Variants in QSOX2 observed in about 807,000 individuals in gnomAD.
The protein encoded by QSOX2 is quiescin sulfhydryl oxidase 2, also known as sulfhydryl oxidase 2.
A neutral mutation model predicts 61.7 loss-of-function variants in QSOX2; 46 were observed. The observed-to-expected ratio is 0.75, with a 90% CI of 0.59 to 0.95. The LOEUF is 0.95. Ranked by LOEUF, QSOX2 falls within the 40% of genes least tolerant of loss-of-function variation. QSOX2 has a pLI of 0.00. For missense variants in QSOX2, 879 were observed against 918.9 expected (o/e 0.96, Z 0.56); for synonymous variants, 383 against 388.4 (o/e 0.99, Z 0.16).
At position 136,223,872 on chromosome 9, in the gene QSOX2, G is replaced by C. The variant is rs374463532; in HGVS notation, c.585-19C>G. ...ACTGGGCCTTTCAAGAGGAAAAAAA[G>C]AGGCTTTTAGTGCCGTCAACAGCAG... On this transcript the variant is annotated intron_variant, in intron 4 of 11. Coordinates refer to ENST00000358701, the MANE Select transcript of QSOX2 (RefSeq NM_181701.4). This position sits in a 1 kb window ranked among gnomAD's most constrained non-coding sequence, Gnocchi z 4.4. 9 of 1,612,496 alleles carry C rather than the reference G, an allele frequency of 5.6e-6. No individual in the cohort carries two copies. The highest frequency in any genetic ancestry group is 7.6e-6 in the Non-Finnish European group (9 of 1,178,742).
intron 1 of QSOX2, among the ~76,000 whole-genome samples, chr9:136,234,732 G>A (rs563945107): frequency 3.6e-5 from 5 of 140,642 alleles, no homozygotes; most frequent in African/African-American, 1.5e-4. Context: ...CGGCTTGGGA[G>A]CAAGGCTGGT....
rs1224408812 is a variant in QSOX2 at position 136,234,043 on chromosome 9, G to GCC, written c.329-7170_329-7169insGG. Among the ~76,000 whole-genome samples the GCC allele has an allele frequency of 3.9e-4, 57 of 147,896 alleles. 4 individuals are homozygous for GCC. Among genetic ancestry groups the GCC allele is most frequent in the African/African-American group, 1.4e-3 (52 of 37,574 alleles). ...CGCTGCAACCTGGGGCAGGACAAAGGTCTTCACGAGGCTCCACCTGGGGCA... is the reference window on the plus strand; with the variant it reads ...CGCTGCAACCTGGGGCAGGACAAAGGCCTCTTCACGAGGCTCCACCTGGGGCA... On this transcript the variant is annotated intron_variant, in intron 1 of 11. Transcript: ENST00000358701.
At position 136,215,312 on chromosome 9, in the gene QSOX2, A is replaced by G; in HGVS notation, c.1210-8T>C. 6.2e-7 allele frequency: 1 copy of G among 1,604,924 alleles called. No homozygotes were observed. Among genetic ancestry groups the G allele is most frequent in the Non-Finnish European group, 8.5e-7 (1 of 1,176,652 alleles). ...AAGGAATATTCCAGAAATCTGAAAAACAAACAAACAAAAAAACCCCAAAGA... is the reference window on the plus strand; with the variant it reads ...AAGGAATATTCCAGAAATCTGAAAAGCAAACAAACAAAAAAACCCCAAAGA... On this transcript the variant is annotated splice_region_variant and splice_polypyrimidine_tract_variant and intron_variant, in intron 9 of 11. Transcript: ENST00000358701.
chr9:136,240,519 G>A (rs907404399), intron 1 of QSOX2, among the ~76,000 whole-genome samples: 3 of 152,154 alleles, frequency 2.0e-5, no homozygotes, highest in Non-Finnish European at 2.9e-5. Flanking sequence ...CTGGGGTCTC[G>A]AACTCCGCAT....
intron 1 of QSOX2, among the ~76,000 whole-genome samples, chr9:136,227,903 C>T (rs556842065): frequency 1.3e-5 from 2 of 152,142 alleles, no homozygotes; most frequent in East Asian, 3.9e-4. Context: ...CGCTTGAGCC[C>T]GGAAGGCACA....
chr9:136,234,186 T>C (rs1335696922), intron 1 of QSOX2, among the ~76,000 whole-genome samples: 1 of 152,236 alleles, frequency 6.6e-6, no homozygotes, highest in Non-Finnish European at 1.5e-5. Flanking sequence ...TTCTCTTTTG[T>C]GCGACGATCT....
At chr9:136,232,471 C>A (rs1026804169) in intron 1 of QSOX2, among the ~76,000 whole-genome samples, 1 of 152,174 alleles carries the variant, frequency 6.6e-6, no homozygotes, top group African/African-American at 2.4e-5. Context: ...TAAGAAAAGG[C>A]ATGTCATGAA....
chr9:136,244,327 A>G (rs1047160055), intron 1 of QSOX2, among the ~76,000 whole-genome samples: 1 of 152,240 alleles, frequency 6.6e-6, no homozygotes, highest in Non-Finnish European at 1.5e-5. Flanking sequence ...AAAGAGGAGG[A>G]ATCCATTAGA....
chr9:136,226,995 G>C (rs1483683398), intron 1 of QSOX2, 121 bp from the exon 2 acceptor site: 4 of 754,034 alleles, frequency 5.3e-6, no homozygotes, highest in Non-Finnish European at 7.1e-6. Context: ...GCCCCCTCTA[G>C]GTCATCAGTT....
rs938483001 is a variant in QSOX2 at position 136,223,196 on chromosome 9, A to G, written c.675+567T>C. Among the ~76,000 whole-genome samples the G allele has an allele frequency of 1.3e-5, 2 of 152,168 alleles. No individual in the cohort carries two copies. Among genetic ancestry groups the G allele is most frequent in the African/African-American group, 4.8e-5 (2 of 41,432 alleles). On this transcript the variant is annotated intron_variant, in intron 5 of 11. Transcript: ENST00000358701. This position sits in a 1 kb window ranked among gnomAD's most constrained non-coding sequence, Gnocchi z 4.4. ...CTCAGGGTGAGTGCTGGGCGAACGC[A>G]TGTGCAGTGAGGCCTTTCTCTCGTC...
intron 8 of QSOX2, among the ~76,000 whole-genome samples, chr9:136,217,161 G>A (rs61030121): frequency 0.011 from 1,725 of 152,380 alleles, 47 homozygotes; most frequent in South Asian, 0.11. Context: ...TGAAGGGCGC[G>A]CGGCAGTGCA....
At chr9:136,224,728 A>G in intron 3 of QSOX2, 133 bp downstream of exon 3, 1 of 545,182 alleles carries the variant, frequency 1.8e-6, no homozygotes, top group East Asian at 3.0e-5. Flanking sequence ...TCTTAAGGGA[A>G]AGCAGGCAGG....
chr9:136,235,249 C>A (rs1830370708), intron 1 of QSOX2, among the ~76,000 whole-genome samples: 2 of 152,216 alleles, frequency 1.3e-5, no homozygotes, highest in Admixed American at 6.5e-5. Flanking sequence ...GCACAGCACA[C>A]CCCCCGGAGG....
chr9:136,245,779 C>G lies in QSOX2; in HGVS notation c.25G>C (p.Ala9Pro). The G allele has an allele frequency of 8.6e-7, 1 of 1,158,082 alleles. No homozygotes were observed. Among genetic ancestry groups the G allele is most frequent in the Non-Finnish European group, 1.1e-6 (1 of 937,880 alleles). 71.7% of individuals were successfully genotyped at this position (1,158,082 alleles called of 1,614,324 possible). A position where few individuals can be genotyped will look rare whatever the true frequency, so the allele number is the denominator to read the frequency against. Reference sequence around the variant, plus strand: ...CCCGCTCCGATTCCCGGGCTGCGCGCCACCGCCGCCCCGGCCGCCGCCATG... The same window carrying G: ...CCCGCTCCGATTCCCGGGCTGCGCGGCACCGCCGCCCCGGCCGCCGCCATG... MAAAGAAV[A>P]RSPGIGAGPA... is the part of the protein sequence containing the mutation. Residue 9 changes from alanine (A) to proline (P), a missense_variant, in exon 1 of 12, where the codon GCG becomes CCG. Coordinates refer to ENST00000358701, the MANE Select transcript of QSOX2 (RefSeq NM_181701.4).
rs1830265222 is a variant in QSOX2, at chr9:136,224,893, G to C, written c.446C>G (p.Thr149Arg). The change falls in exon 3 of 12, where the codon ACA becomes AGA. Residue 149 changes from threonine to arginine, a missense_variant. Transcript: ENST00000358701. Reference protein sequence around the residue: ...YPTFRYFKAFTKEFTTGENFK... With the variant: ...YPTFRYFKAFRKEFTTGENFK... ...ATTTTCTCCAGTTGTAAACTCCTTT[G>C]TAAATGCTTTAAAATACTAAGAGGA... The C allele has an allele frequency of 6.2e-7, 1 of 1,604,552 alleles. No homozygotes were observed. The highest frequency in any genetic ancestry group is 1.7e-5 in the Admixed American group (1 of 58,924).
intron 10 of QSOX2, among the ~76,000 whole-genome samples, chr9:136,211,996 T>C (rs1831852353): frequency 6.6e-6 from 1 of 152,220 alleles, no homozygotes; most frequent in South Asian, 2.1e-4. Context: ...GAAGTGACTC[T>C]TAAGCTGCCG....
intron 1 of QSOX2, among the ~76,000 whole-genome samples, chr9:136,233,445 C>G (rs1207836032): frequency 6.6e-6 from 1 of 152,224 alleles, no homozygotes; most frequent in Non-Finnish European, 1.5e-5. Flanking sequence ...ATTACACAGT[C>G]CTCTCAGGAC....
rs769273100 is a variant in QSOX2 at position 136,226,717 on chromosome 9, C to T, written c.429+57G>A. On this transcript the variant is annotated intron_variant, in intron 2 of 11. Coordinates refer to ENST00000358701, the MANE Select transcript of QSOX2 (RefSeq NM_181701.4). The stretch of plus-strand genomic sequence containing the variant: ...CAGACAAGCAGCCGCGTGATGCTCA[C>T]CTGGAAGGTGGGGTAGAAGGTGAAT... 240 of 1,413,568 alleles carry T rather than the reference C, an allele frequency of 1.7e-4. 1 individual carries two copies. The highest frequency in any genetic ancestry group is 2.2e-4 in the Non-Finnish European group (224 of 996,868). The allele number at this position is 1,413,568 out of a possible 1,614,324, so 87.6% of individuals were successfully genotyped here.
chr9:136,220,273 C>T lies in QSOX2; in HGVS notation c.822-1109G>A, dbSNP rs553032105. On this transcript the variant is annotated intron_variant, in intron 6 of 11. Coordinates refer to ENST00000358701, the MANE Select transcript of QSOX2 (RefSeq NM_181701.4). The stretch of plus-strand genomic sequence containing the variant: ...CAGACTCCTGGGCTCAAGTAATCCT[C>T]TCATCTCAGCCTCTGAAAGTGCTGG... Among the ~76,000 whole-genome samples the T allele has an allele frequency of 3.8e-4, 58 of 152,356 alleles. No homozygotes were observed. The South Asian group carries it at 5.4e-3, about 14-fold the overall frequency.
Sources: gnomAD v4.1 joint callset for allele counts (sites outside exome capture counted in the v4.1 genomes callset) on GRCh38, gnomAD v4.1.1 for gene constraint, Gnocchi (gnomAD v3.1) non-coding constraint, MANE v1.5 for transcripts, NCBI Gene and HGNC (gene_info 2026-07-23, HGNC 2026-07-21) for gene names.